Variants in NELFE observed in about 807,000 individuals in gnomAD.
The protein encoded by NELFE is negative elongation factor complex member E, also known as negative elongation factor E.
A neutral mutation model predicts 55.5 loss-of-function variants in NELFE; 26 were observed. The observed-to-expected ratio is 0.47, with a 90% confidence interval of 0.34 to 0.65. The LOEUF (loss-of-function observed/expected upper bound fraction) is 0.65. Ranked by LOEUF, NELFE falls within the 30% of genes least tolerant of loss-of-function variation. The pLI is 0.01. For synonymous variants in NELFE, 162 were observed against 178.0 expected, an observed-to-expected ratio of 0.91 and a Z score of 0.72; for missense variants, 403 against 506.9, an observed-to-expected ratio of 0.80 and a Z score of 1.97.
intron 4 of NELFE, 127 bp downstream of exon 4, chr6:31,956,566 C>A: frequency 3.0e-6 from 3 of 996,900 alleles, no homozygotes; most frequent in Non-Finnish European, 1.5e-6. Context: ...TCATTTTATA[C>A]ATGAGAGGTG....
At chr6:31,958,342 G>A in intron 2 of NELFE, 30 bp downstream of exon 2, 3 of 1,600,888 alleles carry the variant, frequency 1.9e-6, no homozygotes, top group African/African-American at 1.3e-5. Flanking sequence ...TCTGTGAAAG[G>A]TTAGGCCATG....
intron 4 of NELFE, among the ~76,000 whole-genome samples, chr6:31,956,369 C>A (rs558545856): frequency 3.9e-5 from 6 of 152,326 alleles, no homozygotes; most frequent in Non-Finnish European, 7.3e-5. Context: ...AGCCACCACG[C>A]CCAGCTGGTA....
At chr6:31,955,178 C>CT in intron 5 of NELFE, 41 bp downstream of exon 5, 1 of 1,611,728 alleles carries the variant, frequency 6.2e-7, no homozygotes, top group Non-Finnish European at 8.5e-7. Context: ...TCATATTCCT[C>CT]CATCCCCAAC....
At chr6:31,953,658 A>G in intron 10 of NELFE, 71 bp downstream of exon 10, 2 of 1,311,236 alleles carry the variant, frequency 1.5e-6, no homozygotes, top group East Asian at 2.3e-5. Flanking sequence ...AGGAAACCCA[A>G]GGATGTGTGG....
At position 31,958,423 on chromosome 6, in the gene NELFE, C is replaced by T; in HGVS notation, c.24G>A (p.Leu8=). 6.2e-7 allele frequency: 1 copy of T among 1,613,138 alleles called. No individual in the cohort carries two copies. Among genetic ancestry groups the T allele is most frequent in the Non-Finnish European group, 8.5e-7 (1 of 1,180,052 alleles). The part of the protein sequence containing the change: MLVIPPG[L]SEEEEALQKK... ...TCTGCAGAGCCTCCTCTTCCTCGCT[C>T]AGTCCGGGGGGTATCACCAACATGG... is the stretch of plus-strand genomic sequence containing the variant. Residue 8 remains leucine (L), a synonymous_variant, in exon 2 of 11, where the codon CTG becomes CTA. Transcript: ENST00000375429.
chr6:31,957,383 C>T (rs1291674060), intron 2 of NELFE: 1 of 502,816 alleles, frequency 2.0e-6, no homozygotes, highest in Non-Finnish European at 3.9e-6. Context: ...GACTTCGTAA[C>T]AGGGATATCC....
chr6:31,954,998 TC>T lies in NELFE; in HGVS notation c.404+60del, dbSNP rs547098449. 135 of 1,613,180 alleles carry T rather than the reference TC, an allele frequency of 8.4e-5. 1 individual carries two copies. The African/African-American group carries it at 1.5e-3, about 18-fold the overall frequency. On this transcript the variant is annotated intron_variant, in intron 6 of 10. Transcript: ENST00000375429. This position sits in a 1 kb window ranked among gnomAD's most constrained non-coding sequence, Gnocchi z 5.5. ...TAGCCCAGCTCCTACAGCCCAAACC[TC>T]CCAAGGACTCAGGCAATCAACTCCA... is the stretch of plus-strand genomic sequence containing the variant.
intron 4 of NELFE, among the ~76,000 whole-genome samples, chr6:31,956,129 C>T (rs1230039788): frequency 6.6e-6 from 1 of 151,834 alleles, no homozygotes; most frequent in Admixed American, 6.6e-5. Context: ...TGGGGTTTCA[C>T]CTTGTTAGCC....
chr6:31,952,321 T>G lies in NELFE; in HGVS notation c.1123A>C (p.Asn375His). 1 of 1,613,732 alleles carries G rather than the reference T, an allele frequency of 6.2e-7. No individual in the cohort carries two copies. The highest frequency in any genetic ancestry group is 8.5e-7 in the Non-Finnish European group (1 of 1,179,664). Reference protein sequence around the residue: ...IVYSDDVYKENLVDGF With the variant: ...IVYSDDVYKEHLVDGF Reference sequence around the variant, plus strand: ...GTTCCCTAGAAGCCATCCACAAGGTTTTCCTTGTAGACGTCATCACTGTAG... The same window carrying G: ...GTTCCCTAGAAGCCATCCACAAGGTGTTCCTTGTAGACGTCATCACTGTAG... Residue 375 changes from asparagine to histidine, a missense_variant, in exon 11 of 11, where the codon AAC becomes CAC. This residue lies in a region of NELFE where 77 missense variants were observed against 123.3 expected (regional missense o/e 0.62). Transcript: ENST00000375429.
intron 1 of NELFE, 127 bp downstream of exon 1, chr6:31,958,765 A>G (rs1031684448): frequency 1.9e-5 from 13 of 698,544 alleles, no homozygotes; most frequent in African/African-American, 3.5e-5. Context: ...GGTAAGGACA[A>G]CCGCGGGGTT....
chr6:31,956,509 A>AACC (rs554745236), intron 4 of NELFE, among the ~76,000 whole-genome samples, 184 bp downstream of exon 4: 137 of 152,338 alleles, frequency 9.0e-4, no homozygotes, highest in African/African-American at 2.3e-3. Flanking sequence ...GGTGGATTAG[A>AACC]ACCACAGAAT....
rs778616450 is a variant in NELFE, at chr6:31,952,340, A to G, written c.1104T>C (p.Ser368=). 2 of 1,614,042 alleles carry G rather than the reference A, an allele frequency of 1.2e-6. No homozygotes were observed. The highest frequency in any genetic ancestry group is 1.7e-6 in the Non-Finnish European group (2 of 1,179,976). ...HRDKRTQIVY[S]DDVYKENLVD... ...CAAGGTTTTCCTTGTAGACGTCATC[A>G]CTGTAGACAATCTGGGTCCTCTTGT... Residue 368 remains serine (S), a synonymous_variant, in exon 11 of 11, where the codon AGT becomes AGC. Transcript: ENST00000375429.
chr6:31,957,093 T>C (rs1486730693), intron 2 of NELFE, 83 bp from the exon 3 acceptor site: 17 of 1,228,212 alleles, frequency 1.4e-5, no homozygotes, highest in Non-Finnish European at 2.3e-6. Flanking sequence ...GGCACATCAC[T>C]CCAGGGACCG....
At position 31,952,316 on chromosome 6, in the gene NELFE, A is replaced by T; in HGVS notation, c.1128T>A (p.Leu376=). The T allele has an allele frequency of 6.2e-7, 1 of 1,613,830 alleles. No homozygotes were observed. Among genetic ancestry groups the T allele is most frequent in the East Asian group, 2.2e-5 (1 of 44,880 alleles). The change falls in exon 11 of 11, where the codon CTT becomes CTA. Residue 376 remains leucine (L), a synonymous_variant. Coordinates refer to ENST00000375429, the MANE Select transcript of NELFE (RefSeq NM_002904.6). ...GCTCTGTTCCCTAGAAGCCATCCACAAGGTTTTCCTTGTAGACGTCATCAC... is the reference window on the plus strand; with the variant it reads ...GCTCTGTTCCCTAGAAGCCATCCACTAGGTTTTCCTTGTAGACGTCATCAC... ...VYSDDVYKEN[L]VDGF
rs577381544 is a variant in NELFE, at chr6:31,954,190, C to T, written c.888-56G>A. ...AGCCAAGGGGCTCTTCTGGACCCAA[C>T]CAAACCCAGTGATAATAGGCGGCTG... On this transcript the variant is annotated intron_variant, in intron 8 of 10. Coordinates refer to ENST00000375429, the MANE Select transcript of NELFE (RefSeq NM_002904.6). This position sits in a 1 kb window ranked among gnomAD's most constrained non-coding sequence, Gnocchi z 5.5. 4 of 1,612,052 alleles carry T rather than the reference C, an allele frequency of 2.5e-6. No individual in the cohort carries two copies. In the East Asian group the frequency reaches 8.9e-5, roughly 36 times the overall value.
rs1270190998 is a variant in NELFE, at chr6:31,958,885, G to A, written c.-9+7C>T. The A allele has an allele frequency of 5.0e-6, 3 of 597,140 alleles. No homozygotes were observed. Among genetic ancestry groups the A allele is most frequent in the East Asian group, 2.8e-5 (1 of 35,574 alleles). The allele number at this position is 597,140 out of a possible 1,614,324, so 37.0% of individuals were successfully genotyped here. ...AGGGCCGAAGAGTGAGAAGCAGAGG[G>A]CCTTACCCGAGGGGGCGGCAACCGG... On this transcript the variant is annotated splice_region_variant and intron_variant, in intron 1 of 10. Coordinates refer to ENST00000375429, the MANE Select transcript of NELFE (RefSeq NM_002904.6).
chr6:31,955,289 G>A lies in NELFE; in HGVS notation c.296C>T (p.Pro99Leu), dbSNP rs745392007. The A allele has an allele frequency of 1.3e-6, 2 of 1,570,110 alleles. No homozygotes were observed. Among genetic ancestry groups the A allele is most frequent in the Non-Finnish European group, 1.7e-6 (2 of 1,160,800 alleles). ...GAAAGTGGGGACTGGTCCCTTCTCG[G>A]GGTCCTGGAGTGGTGAGAGACCTAC... is the stretch of plus-strand genomic sequence containing the variant. ...SRTLEGKLKD[P>L]EKGPVPTFQP... The change falls in exon 5 of 11, where the codon CCC becomes CTC. Residue 99 changes from proline to leucine, a missense_variant. By Grantham distance (98) the Pro-to-Leu change is moderately conservative (BLOSUM62 -3). This residue lies in a region of NELFE where 97 missense variants were observed against 155.3 expected (regional missense o/e 0.62). Transcript: ENST00000375429.
chr6:31,952,376 AC>A lies in NELFE; in HGVS notation c.1067del (p.Gly356ValfsTer46). On this transcript the variant is annotated frameshift_variant, in exon 11 of 11. Coordinates refer to ENST00000375429, the MANE Select transcript of NELFE (RefSeq NM_002904.6). LOFTEE classifies it high-confidence loss of function. ...TCTGGGTCCTCTTGTCCCGGTGGCA[AC>A]CCTTAGGGCTGTTCTGGACAGCTAG... The part of the protein sequence containing the change: ...GSLAVQNSPK[G>X]CHRDKRTQIV... The A allele has an allele frequency of 1.2e-6, 2 of 1,613,908 alleles. No individual in the cohort carries two copies. Among genetic ancestry groups the A allele is most frequent in the Non-Finnish European group, 1.7e-6 (2 of 1,179,892 alleles).
At chr6:31,956,133 G>A (rs1381949571) in intron 4 of NELFE, among the ~76,000 whole-genome samples, 1 of 151,698 alleles carries the variant, frequency 6.6e-6, no homozygotes, top group African/African-American at 2.4e-5. Flanking sequence ...GTTTCACCTT[G>A]TTAGCCAGGA....
Sources: gnomAD v4.1 joint callset for allele counts (sites outside exome capture counted in the v4.1 genomes callset) on GRCh38, gnomAD v4.1.1 for gene constraint, gnomAD v4.1.1 regional missense constraint, Gnocchi (gnomAD v3.1) non-coding constraint, MANE v1.5 for transcripts, NCBI Gene and HGNC (gene_info 2026-07-23, HGNC 2026-07-21) for gene names.